WWTR1: variants seen among roughly 807,000 people sequenced by gnomAD.
The protein encoded by WWTR1 is WW domain-containing transcription regulator protein 1.
Under a neutral mutation model 40.1 loss-of-function variants are expected in WWTR1, and 13 were observed. The ratio of observed to expected loss-of-function variants is 0.32; its 90% CI spans 0.21 to 0.52. WWTR1 has a LOEUF of 0.52. Ranked by LOEUF, WWTR1 falls within the 20% of genes least tolerant of loss-of-function variation. The pLI, the probability that WWTR1 is intolerant of heterozygous loss-of-function variation, is 0.97. For missense variants in WWTR1, 436 were observed against 523.1 expected (o/e 0.83, Z 1.63); for synonymous variants, 230 against 210.1 (o/e 1.09, Z -0.82).
intron 3 of WWTR1, among the ~76,000 whole-genome samples, chr3:149,559,293 C>CAAA (rs57470539): frequency 3.8e-4 from 22 of 58,096 alleles, no homozygotes; most frequent in African/African-American, 1.1e-3. Flanking sequence ...GACTCCATCT[C>CAAA]AAAAAAAAAA....
chr3:149,642,602 C>T (rs1346019315), intron 2 of WWTR1, among the ~76,000 whole-genome samples: 3 of 151,584 alleles, frequency 2.0e-5, no homozygotes, highest in Non-Finnish European at 2.9e-5. Context: ...GGTGAAACCC[C>T]GTCTCTACTA....
rs375892171 is a variant in WWTR1 at position 149,573,041 on chromosome 3, G to A, written c.432-41C>T. 1.9e-6 allele frequency: 3 copies of A among 1,544,480 alleles called. No homozygotes were observed. The African/African-American group carries it at 4.2e-5, about 21-fold the overall frequency. ...CAATTAATTATCTTTTTAATTGTCA[G>A]CATCATTATCATCATCACCAACAAC... is the stretch of plus-strand genomic sequence containing the variant. On this transcript the variant is annotated intron_variant, in intron 2 of 6. Coordinates refer to ENST00000360632, the MANE Select transcript of WWTR1 (RefSeq NM_015472.6).
At chr3:149,595,530 T>C (rs1738958965) in intron 2 of WWTR1, among the ~76,000 whole-genome samples, 1 of 152,118 alleles carries the variant, frequency 6.6e-6, no homozygotes, top group Non-Finnish European at 1.5e-5. Flanking sequence ...ATTAAACAAA[T>C]ATACCAAATG....
At chr3:149,652,860 A>C (rs1238394233) in intron 2 of WWTR1, among the ~76,000 whole-genome samples, 6 of 152,008 alleles carry the variant, frequency 3.9e-5, no homozygotes, top group Non-Finnish European at 5.9e-5. Context: ...TCTAAGAATT[A>C]AATATGGGTA....
At chr3:149,546,949 C>A (rs1736389724) in intron 3 of WWTR1, among the ~76,000 whole-genome samples, 3 of 152,096 alleles carry the variant, frequency 2.0e-5, no homozygotes, top group Admixed American at 2.0e-4. Flanking sequence ...AACCCAGGAA[C>A]CCACCATTCA....
intron 2 of WWTR1, among the ~76,000 whole-genome samples, chr3:149,641,461 G>A (rs1712165038): frequency 6.6e-6 from 1 of 152,198 alleles, no homozygotes; most frequent in African/African-American, 2.4e-5. Flanking sequence ...GAGGTAAGCT[G>A]GACATTCCAA....
At chr3:149,547,868 G>A (rs141490841) in intron 3 of WWTR1, among the ~76,000 whole-genome samples, 1,633 of 146,494 alleles carry the variant, frequency 0.011, 9 homozygotes, top group Non-Finnish European at 0.019. Flanking sequence ...TCTGTGTTTG[G>A]AAATTGATAA....
At chr3:149,707,652 G>A (rs1203569915), upstream of WWTR1, among the ~76,000 whole-genome samples, 1 of 152,130 alleles carries the variant, frequency 6.6e-6, no homozygotes, top group Non-Finnish European at 1.5e-5. Flanking sequence ...GAATATCAGA[G>A]GGAATCATTT....
chr3:149,540,098 A>G (rs1361014176), intron 4 of WWTR1: 3 of 419,636 alleles, frequency 7.1e-6, no homozygotes, highest in Non-Finnish European at 1.4e-5. Context: ...ACACACACAC[A>G]CACACACACA....
intron 2 of WWTR1, chr3:149,576,062 G>A (rs530712163): frequency 5.7e-5 from 26 of 456,600 alleles, no homozygotes; most frequent in Non-Finnish European, 1.0e-4. Flanking sequence ...GAGTACAAGA[G>A]GGAGCCTTTC....
chr3:149,590,017 C>T (rs892859083), intron 2 of WWTR1, among the ~76,000 whole-genome samples: 3 of 152,164 alleles, frequency 2.0e-5, no homozygotes, highest in African/African-American at 7.2e-5. Context: ...TTAAGTCATT[C>T]TCAATTCATT....
At chr3:149,567,889 A>G (rs1737407439) in intron 3 of WWTR1, among the ~76,000 whole-genome samples, 1 of 152,040 alleles carries the variant, frequency 6.6e-6, no homozygotes. Flanking sequence ...CCTCCATCCC[A>G]CTTCCATGCC....
chr3:149,661,733 G>GTTTTT (rs369645645), upstream of WWTR1, among the ~76,000 whole-genome samples: 1 of 133,862 alleles, frequency 7.5e-6, no homozygotes. Context: ...CACAAATAAA[G>GTTTTT]TTTTTTTTTT....
chr3:149,710,537 A>T (rs1331069199), intron 5 of WWTR1, among the ~76,000 whole-genome samples: 1 of 150,594 alleles, frequency 6.6e-6, no homozygotes, highest in African/African-American at 2.4e-5. Context: ...GATACCTACA[A>T]AACACTTATA....
At chr3:149,582,866 G>C (rs1738220582) in intron 2 of WWTR1, among the ~76,000 whole-genome samples, 1 of 152,164 alleles carries the variant, frequency 6.6e-6, no homozygotes. Context: ...GTACTTGGTA[G>C]AGTCTTTATT....
At chr3:149,595,527 A>T (rs1738958771) in intron 2 of WWTR1, among the ~76,000 whole-genome samples, 1 of 152,176 alleles carries the variant, frequency 6.6e-6, no homozygotes, top group Non-Finnish European at 1.5e-5. Context: ...CATATTAAAC[A>T]AATATACCAA....
intron 2 of WWTR1, among the ~76,000 whole-genome samples, chr3:149,602,955 C>T (rs774975496): frequency 2.0e-5 from 3 of 151,686 alleles, no homozygotes; most frequent in Admixed American, 6.6e-5. Context: ...CCACTGTGCC[C>T]GGCCAGAAAA....
intron 2 of WWTR1, among the ~76,000 whole-genome samples, chr3:149,633,060 T>C (rs915467854): frequency 6.6e-6 from 1 of 152,230 alleles, no homozygotes; most frequent in Non-Finnish European, 1.5e-5. Flanking sequence ...GAGTGAATTA[T>C]GTGCTGTGTA....
intron 2 of WWTR1, among the ~76,000 whole-genome samples, chr3:149,605,623 G>T (rs1323983948): frequency 6.6e-6 from 1 of 152,154 alleles, no homozygotes; most frequent in East Asian, 1.9e-4. Flanking sequence ...ATGGGCAAAA[G>T]AATAGGGTAT....
Sources: allele counts gnomAD v4.1 joint callset (sites outside exome capture counted in the v4.1 genomes callset), GRCh38; gene constraint gnomAD v4.1.1; transcripts MANE v1.5; gene names NCBI Gene and HGNC (gene_info 2026-07-23, HGNC 2026-07-21).